CAMSAP2: variants seen among roughly 807,000 people sequenced by gnomAD.
CAMSAP2 encodes the protein calmodulin-regulated spectrin-associated protein 2.
CAMSAP2 carries 26 observed loss-of-function variants against 146.1 expected under a neutral mutation model. The observed-to-expected ratio is 0.18, with a 90% confidence interval of 0.13 to 0.25. The LOEUF is 0.25. Among genes scored for constraint, CAMSAP2 ranks in the 10% least tolerant of loss-of-function variants. The probability of loss-of-function intolerance (pLI) is 1.00; values close to 1 mark genes in which losing one functional copy is unlikely to be tolerated. For missense variants in CAMSAP2, 1,381 were observed against 1,759.3 expected (o/e 0.78, Z 3.85); for synonymous variants, 499 against 596.6 (o/e 0.84, Z 2.38).
At chr1:200,794,631 G>T (rs2103034769) in intron 2 of CAMSAP2, among the ~76,000 whole-genome samples, 1 of 152,300 alleles carries the variant, frequency 6.6e-6, no homozygotes, top group South Asian at 2.1e-4. Flanking sequence ...CCCCTTCCCA[G>T]AGGTACGCAT....
chr1:200,847,069 G>A, intron 8 of CAMSAP2, 141 bp from the exon 9 acceptor site: 1 of 590,738 alleles, frequency 1.7e-6, no homozygotes, highest in Non-Finnish European at 2.9e-6. Flanking sequence ...CCATTCTTTG[G>A]TTTAAACAAT....
intron 1 of CAMSAP2, among the ~76,000 whole-genome samples, chr1:200,759,054 T>C (rs1664725277): frequency 6.6e-6 from 1 of 152,176 alleles, no homozygotes; most frequent in Non-Finnish European, 1.5e-5. Flanking sequence ...ATATACAAAG[T>C]CCTCGTGTTT....
intron 2 of CAMSAP2, among the ~76,000 whole-genome samples, chr1:200,804,466 C>G (rs543101804): frequency 6.6e-6 from 1 of 151,830 alleles, no homozygotes; most frequent in African/African-American, 2.4e-5. Context: ...CGTTTTTATC[C>G]TCTCTCATGT....
intron 4 of CAMSAP2, among the ~76,000 whole-genome samples, chr1:200,829,395 A>T (rs1418347042): frequency 6.6e-6 from 1 of 152,122 alleles, no homozygotes; most frequent in Non-Finnish European, 1.5e-5. Flanking sequence ...CTCTATTTTT[A>T]AAAAATTATC....
intron 11 of CAMSAP2, among the ~76,000 whole-genome samples, chr1:200,852,068 G>GTT (rs560533997): frequency 3.3e-4 from 50 of 152,306 alleles, no homozygotes; most frequent in Non-Finnish European, 6.2e-4. Context: ...CAAGCAGACT[G>GTT]TCAGTACCTC....
intron 9 of CAMSAP2, 38 bp from the exon 10 acceptor site, chr1:200,847,602 A>T: frequency 6.5e-7 from 1 of 1,529,764 alleles, no homozygotes; most frequent in Non-Finnish European, 9.0e-7. Flanking sequence ...TAATTTTTTT[A>T]CATGATTTCA....
At position 200,832,377 on chromosome 1, in the gene CAMSAP2, C is replaced by T. The variant is rs780573739; in HGVS notation, c.787+36C>T. On this transcript the variant is annotated intron_variant, in intron 5 of 16. Transcript: ENST00000358823. The surrounding 1 kb of genome is among the most constrained non-coding windows in gnomAD (Gnocchi z 4.2). ...CATTGTAATACTTCTGAACTGTAGACAGATAGTAACCAATATTTAAGACAG... is the reference window on the plus strand; with the variant it reads ...CATTGTAATACTTCTGAACTGTAGATAGATAGTAACCAATATTTAAGACAG... 3 of 1,568,192 alleles carry T rather than the reference C, an allele frequency of 1.9e-6. No individual in the cohort carries two copies. The highest frequency in any genetic ancestry group is 2.6e-6 in the Non-Finnish European group (3 of 1,157,086).
In CAMSAP2 at chr1:200,828,514, C is replaced by T. The variant is rs1666960147; in HGVS notation, c.646-3686C>T. The T allele has an allele frequency of 5.4e-6, 8 of 1,492,124 alleles. No individual in the cohort carries two copies. The South Asian group carries it at 9.7e-5, about 18-fold the overall frequency. The allele number at this position is 1,492,124 out of a possible 1,614,324, so 92.4% of individuals were successfully genotyped here. A position where few individuals can be genotyped will look rare whatever the true frequency, so the allele number is the denominator to read the frequency against. On this transcript the variant is annotated intron_variant, in intron 4 of 16. Coordinates refer to ENST00000358823, the MANE Select transcript of CAMSAP2 (RefSeq NM_203459.4). ...TATAATTTGTTAATTGAAGATAATT[C>T]TGATGAATTTTCCCTTTACCTTTTG...
chr1:200,806,067 C>T (rs1666162421), intron 2 of CAMSAP2, among the ~76,000 whole-genome samples: 1 of 151,986 alleles, frequency 6.6e-6, no homozygotes, highest in South Asian at 2.1e-4. Flanking sequence ...GTTATCAACT[C>T]CAAAGCCATA....
intron 4 of CAMSAP2, among the ~76,000 whole-genome samples, chr1:200,818,029 C>T (rs1282991798): frequency 2.0e-5 from 3 of 152,112 alleles, no homozygotes; most frequent in Admixed American, 2.0e-4. Flanking sequence ...GGAGCTGAAA[C>T]TTTTGCCTTG....
At chr1:200,741,893 T>C (rs998151143) in intron 1 of CAMSAP2, among the ~76,000 whole-genome samples, 4 of 152,128 alleles carry the variant, frequency 2.6e-5, no homozygotes, top group Non-Finnish European at 5.9e-5. Flanking sequence ...ATTTAAAAAA[T>C]AGGAGGAAAT....
intron 2 of CAMSAP2, among the ~76,000 whole-genome samples, chr1:200,799,781 A>G (rs1665987547): frequency 2.0e-5 from 3 of 152,010 alleles, no homozygotes; most frequent in African/African-American, 7.3e-5. Flanking sequence ...TCGATTTTGG[A>G]TCTTTCCTGC....
intron 2 of CAMSAP2, among the ~76,000 whole-genome samples, chr1:200,806,997 T>C (rs1445788770): frequency 6.6e-6 from 1 of 152,164 alleles, no homozygotes. Flanking sequence ...ATTTGAAAGA[T>C]AGAGAATCTA....
chr1:200,847,912 C>T, intron 10 of CAMSAP2, 120 bp from the exon 11 acceptor site: 1 of 841,932 alleles, frequency 1.2e-6, no homozygotes, highest in Non-Finnish European at 1.8e-6. Flanking sequence ...ACCTTGAAGA[C>T]AGTATGATTA....
intron 2 of CAMSAP2, among the ~76,000 whole-genome samples, chr1:200,773,934 A>C (rs1452585371): frequency 7.3e-6 from 1 of 137,894 alleles, no homozygotes; most frequent in East Asian, 2.8e-4. Context: ...AAATAAAATA[A>C]AATAAAATAA....
chr1:200,821,119 T>G (rs2102190917), intron 4 of CAMSAP2, among the ~76,000 whole-genome samples: 1 of 152,234 alleles, frequency 6.6e-6, no homozygotes, highest in African/African-American at 2.4e-5. Flanking sequence ...TTTTGAATCC[T>G]ACCCTTAAGA....
rs374473632 is a variant in CAMSAP2, at chr1:200,759,280, AT to A, written c.140-1543del. 4.0e-3 allele frequency among the ~76,000 whole-genome samples: 518 copies of A among 128,810 alleles called. 5 individuals carry two copies. The highest frequency in any genetic ancestry group is 0.011 in the African/African-American group (364 of 33,418). 84.5% of individuals were successfully genotyped at this position (128,810 alleles called of 152,430 possible). ...AAATTCTGCCGATTCCTGCTATTCT[AT>A]TTTTTTTTTTTTTTTGAGATAGAGT... On this transcript the variant is annotated intron_variant, in intron 1 of 16. Coordinates refer to ENST00000358823, the MANE Select transcript of CAMSAP2 (RefSeq NM_203459.4).
In CAMSAP2 at chr1:200,849,851, C is replaced by G; in HGVS notation, c.3082C>G (p.Pro1028Ala). ...SFVCFGDDGE[P>A]QLKESKPKEE... ...TGTATGTTTTGGGGATGATGGAGAA[C>G]CTCAGTTAAAGGAATCCAAACCTAA... Residue 1028 changes from proline to alanine, a missense_variant, in exon 11 of 17, where the codon CCT becomes GCT. By Grantham distance (27) the Pro-to-Ala change is conservative. This residue lies in a region of CAMSAP2 where 560 missense variants were observed against 715.9 expected (regional missense o/e 0.78). Transcript: ENST00000358823. The surrounding 1 kb of genome is among the most constrained non-coding windows in gnomAD (Gnocchi z 6.3). The G allele has an allele frequency of 6.2e-7, 1 of 1,613,998 alleles. No individual in the cohort carries two copies. Among genetic ancestry groups the G allele is most frequent in the Non-Finnish European group, 8.5e-7 (1 of 1,180,018 alleles).
In CAMSAP2 at chr1:200,848,131, T is replaced by G; in HGVS notation, c.1362T>G (p.Asn454Lys). ...GAGGAATCACTCGTTCTATTAGTAA[T>G]GAAGGACTTACTCTGAACAACAGTC... ...PNRGITRSIS[N>K]EGLTLNNSHV... The change falls in exon 11 of 17, where the codon AAT (asparagine) becomes AAG (lysine). Residue 454 changes from asparagine (N) to lysine (K), a missense_variant. Physicochemically the swap from Asn to Lys is moderately conservative, Grantham distance 94. Around this residue, in one of 4 missense-constraint regions of CAMSAP2, gnomAD observed 447 missense variants for 462.2 expected, o/e 0.97. Transcript: ENST00000358823. 1 of 1,612,994 alleles carries G rather than the reference T, an allele frequency of 6.2e-7. No individual in the cohort carries two copies. Among genetic ancestry groups the G allele is most frequent in the Non-Finnish European group, 8.5e-7 (1 of 1,179,410 alleles).
Sources: allele counts gnomAD v4.1 joint callset (sites outside exome capture counted in the v4.1 genomes callset), GRCh38; gene constraint gnomAD v4.1.1; regional missense constraint gnomAD v4.1.1; non-coding constraint Gnocchi (gnomAD v3.1); transcripts MANE v1.5; gene names NCBI Gene and HGNC (gene_info 2026-07-23, HGNC 2026-07-21).